The following RCL1 variants were observed in gnomAD, a reference collection of about 807,000 sequenced individuals.
RCL1 encodes the protein RNA terminal phosphate cyclase like 1.
RCL1 carries 24 observed loss-of-function variants against 42.4 expected under a neutral mutation model. The observed-to-expected ratio is 0.57, with a 90% CI of 0.41 to 0.80. The LOEUF is 0.80. Ranked by LOEUF, RCL1 falls within the 30% of genes least tolerant of loss-of-function variation. RCL1 has a pLI of 0.00. For synonymous variants in RCL1, 228 were observed against 177.3 expected, an observed-to-expected ratio of 1.29 and a Z score of -2.27; for missense variants, 578 against 467.9, an observed-to-expected ratio of 1.24 and a Z score of -2.17.
chr9:4,850,493 C>CTTTTTTTTTTTTTTTTTTTTTTTTTTTT, intron 8 of RCL1: 1 of 134,270 alleles, frequency 7.4e-6, no homozygotes, highest in Non-Finnish European at 1.5e-5. Context: ...TTTTTTTTTT[C>CTTTTTTTTTTTTTTTTTTTTTTTTTTTT]TTTTTTTTTT....
At chr9:4,848,603 A>G (rs1447271298) in intron 7 of RCL1, among the ~76,000 whole-genome samples, 2 of 152,338 alleles carry the variant, frequency 1.3e-5, no homozygotes, top group Non-Finnish European at 2.9e-5. Context: ...TTCTTTGACT[A>G]TGTACAATAT....
intron 3 of RCL1, among the ~76,000 whole-genome samples, chr9:4,829,795 G>C (rs1256730953): frequency 6.6e-6 from 1 of 152,144 alleles, no homozygotes; most frequent in East Asian, 1.9e-4. Flanking sequence ...ATTATGATAG[G>C]GCAGTGTGAC....
intron 1 of RCL1, among the ~76,000 whole-genome samples, chr9:4,810,469 T>C (rs145559199): frequency 6.6e-6 from 1 of 152,352 alleles, no homozygotes; most frequent in East Asian, 1.9e-4. Context: ...CCTCTTTAGC[T>C]CTGTTGTATT....
At chr9:4,845,031 C>A (rs185070963) in intron 7 of RCL1, among the ~76,000 whole-genome samples, 7 of 152,168 alleles carry the variant, frequency 4.6e-5, no homozygotes, top group Non-Finnish European at 1.0e-4. Flanking sequence ...TCCCGGCACC[C>A]CCCGATTGCT....
At chr9:4,814,955 A>T (rs2130987586) in intron 1 of RCL1, among the ~76,000 whole-genome samples, 1 of 151,792 alleles carries the variant, frequency 6.6e-6, no homozygotes, top group Middle Eastern at 3.4e-3. Context: ...CATGGTCTAT[A>T]AGGTTTCTCT....
chr9:4,827,761 C>CGTGTGTGTGT (rs59604765), intron 3 of RCL1, among the ~76,000 whole-genome samples: 65 of 147,670 alleles, frequency 4.4e-4, no homozygotes, highest in Middle Eastern at 3.5e-3. Context: ...TGTGTGCACG[C>CGTGTGTGTGT]GTGTGTGTGT....
intron 1 of RCL1, among the ~76,000 whole-genome samples, chr9:4,797,343 G>A (rs958111983): frequency 2.0e-5 from 3 of 152,278 alleles, no homozygotes; most frequent in Admixed American, 1.3e-4. Context: ...TGCCAAATCC[G>A]TTCCTGCTTC....
chr9:4,809,540 C>A (rs1236474326), intron 1 of RCL1, among the ~76,000 whole-genome samples: 3 of 152,160 alleles, frequency 2.0e-5, no homozygotes, highest in Non-Finnish European at 2.9e-5. Context: ...GATCTCCTGA[C>A]CTTGTGATTC....
At position 4,799,186 on chromosome 9, in the gene RCL1, G is replaced by C. The variant is rs190826798; in HGVS notation, c.136+5959G>C. Among the ~76,000 whole-genome samples, 144 of 150,752 alleles carry C rather than the reference G, an allele frequency of 9.6e-4. 2 individuals carry two copies. Among genetic ancestry groups the C allele is most frequent in the African/African-American group, 3.3e-3 (136 of 40,976 alleles). On this transcript the variant is annotated intron_variant, in intron 1 of 8. Coordinates refer to ENST00000381750, the MANE Select transcript of RCL1 (RefSeq NM_005772.5). ...ATGGGATCTCACTATGTTGATCAGA[G>C]TGATCTCAAACTACTGGCGTCCAGT...
At chr9:4,812,500 A>T (rs1197258897) in intron 1 of RCL1, among the ~76,000 whole-genome samples, 1 of 152,044 alleles carries the variant, frequency 6.6e-6, no homozygotes, top group Non-Finnish European at 1.5e-5. Context: ...CTGGGCTCAA[A>T]CGATCCTCCT....
At chr9:4,834,543 C>A (rs1324851485) in intron 5 of RCL1, among the ~76,000 whole-genome samples, 1 of 149,032 alleles carries the variant, frequency 6.7e-6, no homozygotes, top group Admixed American at 6.7e-5. Context: ...GATCCTCTCT[C>A]AAGGGCTTTG....
intron 1 of RCL1, among the ~76,000 whole-genome samples, chr9:4,810,778 A>G (rs1458954555): frequency 1.3e-5 from 2 of 152,160 alleles, no homozygotes; most frequent in Non-Finnish European, 2.9e-5. Context: ...CCTATTCAGC[A>G]CTTGGTATTG....
chr9:4,860,188 A>T lies in RCL1; in HGVS notation c.1035A>T (p.Pro345=). 1 of 1,612,372 alleles carries T rather than the reference A, an allele frequency of 6.2e-7. No homozygotes were observed. ...FQIMFKIETK[P]CGEELKGGDK... is the part of the protein sequence containing the mutation. The stretch of plus-strand genomic sequence containing the variant: ...TTATGTTTAAAATTGAAACCAAGCC[A>T]TGTGGTGAAGAACTCAAGGGTGGGG... The change falls in exon 9 of 9, where the codon CCA becomes CCT. Residue 345 remains proline (P), a synonymous_variant. Coordinates refer to ENST00000381750, the MANE Select transcript of RCL1 (RefSeq NM_005772.5).
chr9:4,834,288 T>C, intron 5 of RCL1, 23 bp downstream of exon 5: 2 of 1,593,882 alleles, frequency 1.3e-6, no homozygotes, highest in African/African-American at 1.4e-5. Context: ...TTTATTTGGA[T>C]TTCTTTTTTT....
intron 8 of RCL1, among the ~76,000 whole-genome samples, chr9:4,859,618 A>C (rs1340381573): frequency 6.6e-6 from 1 of 152,118 alleles, no homozygotes; most frequent in Non-Finnish European, 1.5e-5. Flanking sequence ...TTTGAATGTC[A>C]TGGTGCTGTG....
chr9:4,812,533 G>A (rs1331528494), intron 1 of RCL1, among the ~76,000 whole-genome samples: 1 of 152,016 alleles, frequency 6.6e-6, no homozygotes. Context: ...TGAAAGGCTG[G>A]GATTACAAAG....
chr9:4,817,912 ATTT>A (rs66886360), intron 1 of RCL1, among the ~76,000 whole-genome samples: 1 of 78,366 alleles, frequency 1.3e-5, no homozygotes, highest in South Asian at 4.6e-4. Context: ...CTTTTCTAAG[ATTT>A]TTTTTTTTTT....
At chr9:4,808,814 C>G (rs192070025) in intron 1 of RCL1, among the ~76,000 whole-genome samples, 2 of 152,236 alleles carry the variant, frequency 1.3e-5, no homozygotes, top group Admixed American at 1.3e-4. Context: ...ATAAGCAAAG[C>G]ATGATATCTA....
chr9:4,813,692 A>G (rs1021709485), intron 1 of RCL1, among the ~76,000 whole-genome samples: 9 of 152,246 alleles, frequency 5.9e-5, no homozygotes, highest in African/African-American at 1.9e-4. Context: ...TACTGGGTAT[A>G]TACCCAAAGG....
Sources: allele counts gnomAD v4.1 joint callset (sites outside exome capture counted in the v4.1 genomes callset), GRCh38; gene constraint gnomAD v4.1.1; transcripts MANE v1.5; gene names NCBI Gene and HGNC (gene_info 2026-07-23, HGNC 2026-07-21).